WDR70: variants seen among roughly 807,000 people sequenced by gnomAD.
The protein encoded by WDR70 is WD repeat domain 70.
WDR70 carries 53 observed loss-of-function variants against 88.6 expected under a neutral mutation model. That is an observed-to-expected ratio of 0.60 (90% CI 0.48 to 0.75). The LOEUF is 0.75. Among genes scored for constraint, WDR70 ranks in the 30% least tolerant of loss-of-function variants. The pLI is 0.00. For synonymous variants in WDR70, 280 were observed against 270.0 expected, an observed-to-expected ratio of 1.04 and a Z score of -0.36; for missense variants, 610 against 823.2, an observed-to-expected ratio of 0.74 and a Z score of 3.17.
chr5:37,582,193 C>G (rs1005295072), intron 9 of WDR70, among the ~76,000 whole-genome samples: 7 of 152,066 alleles, frequency 4.6e-5, no homozygotes, highest in Non-Finnish European at 1.0e-4. Context: ...TTTACTGTTG[C>G]ATTCTGGTCC....
chr5:37,552,670 TC>T (rs1191345093), intron 9 of WDR70, among the ~76,000 whole-genome samples: 3 of 152,226 alleles, frequency 2.0e-5, no homozygotes, highest in Admixed American at 2.0e-4. Flanking sequence ...GTGCCCTTTC[TC>T]CATTTGCCAG....
chr5:37,592,705 C>T (rs1292879891), intron 9 of WDR70, among the ~76,000 whole-genome samples: 1 of 152,158 alleles, frequency 6.6e-6, no homozygotes, highest in Non-Finnish European at 1.5e-5. Context: ...TGAATACTTT[C>T]CCCCTGTGCT....
intron 9 of WDR70, among the ~76,000 whole-genome samples, chr5:37,557,207 A>C (rs941478762): frequency 3.3e-5 from 5 of 149,860 alleles, no homozygotes; most frequent in Non-Finnish European, 7.4e-5. Flanking sequence ...AGTGCTTGAA[A>C]TCTGTGAAGT....
intron 17 of WDR70, among the ~76,000 whole-genome samples, chr5:37,734,587 AGATAAAAGGGGGACATAGATAAAAGAGG>A (rs1464213895): frequency 2.0e-5 from 3 of 152,096 alleles, no homozygotes; most frequent in Non-Finnish European, 2.9e-5. Context: ...TTTTATAAAA[AGATAAAAGGGGGACATAGATAAAAGAGG>A]GATAAAAGGG....
intron 10 of WDR70, among the ~76,000 whole-genome samples, chr5:37,674,672 G>A (rs1561063291): frequency 6.6e-6 from 1 of 152,120 alleles, no homozygotes; most frequent in African/African-American, 2.4e-5. Context: ...TTGCTATTGT[G>A]AATAGTCCCG....
intron 7 of WDR70, among the ~76,000 whole-genome samples, chr5:37,452,489 C>T (rs965562678): frequency 6.6e-6 from 1 of 152,200 alleles, no homozygotes; most frequent in Non-Finnish European, 1.5e-5. Flanking sequence ...TGGTCCTGAA[C>T]TCTTGACCTC....
chr5:37,715,275 C>T (rs1399141930), intron 13 of WDR70, among the ~76,000 whole-genome samples: 1 of 150,060 alleles, frequency 6.7e-6, no homozygotes, highest in East Asian at 2.0e-4. Context: ...CATTGCACTC[C>T]TATCTGGCCT....
intron 10 of WDR70, among the ~76,000 whole-genome samples, chr5:37,693,488 G>T (rs1035970618): frequency 6.6e-6 from 1 of 152,166 alleles, no homozygotes; most frequent in African/African-American, 2.4e-5. Context: ...AACCAAAACA[G>T]CATGGTACTG....
intron 13 of WDR70, among the ~76,000 whole-genome samples, chr5:37,718,270 C>T (rs1438768836): frequency 3.9e-5 from 6 of 152,144 alleles, no homozygotes; most frequent in African/African-American, 7.2e-5. Context: ...GCAGTTGCCT[C>T]TCTCTAACAT....
At chr5:37,589,508 C>T (rs530347256) in intron 9 of WDR70, among the ~76,000 whole-genome samples, 1 of 152,234 alleles carries the variant, frequency 6.6e-6, no homozygotes, top group East Asian at 1.9e-4. Flanking sequence ...TGGAATAGAA[C>T]TCTCCATGAA....
chr5:37,579,555 G>A (rs1396254798), intron 9 of WDR70, among the ~76,000 whole-genome samples: 1 of 127,410 alleles, frequency 7.8e-6, no homozygotes, highest in Non-Finnish European at 1.5e-5. Flanking sequence ...TTGCACTCCA[G>A]CCTGGCAACC....
At chr5:37,589,288 G>C (rs1007036651) in intron 9 of WDR70, among the ~76,000 whole-genome samples, 1 of 85,966 alleles carries the variant, frequency 1.2e-5, no homozygotes, top group Non-Finnish European at 3.0e-5. Flanking sequence ...ACACACACAC[G>C]ATATATTTAA....
At chr5:37,489,158 C>A (rs978355763) in intron 8 of WDR70, among the ~76,000 whole-genome samples, 1 of 152,194 alleles carries the variant, frequency 6.6e-6, no homozygotes, top group Non-Finnish European at 1.5e-5. Context: ...CCAGGTGGGC[C>A]AGTCTTCTGG....
intron 4 of WDR70, among the ~76,000 whole-genome samples, chr5:37,393,177 G>T (rs1748898685): frequency 6.6e-6 from 1 of 151,942 alleles, no homozygotes; most frequent in African/African-American, 2.4e-5. Flanking sequence ...GAATAGCTGA[G>T]GTTACAGGTG....
chr5:37,531,447 G>T (rs114518592), intron 9 of WDR70, among the ~76,000 whole-genome samples: 5,280 of 151,526 alleles, frequency 0.035, 315 homozygotes, highest in African/African-American at 0.12. Flanking sequence ...TTATAAATTC[G>T]GGAGCTCCAG....
intron 13 of WDR70, among the ~76,000 whole-genome samples, chr5:37,711,285 C>T (rs532646756): frequency 6.6e-6 from 1 of 152,302 alleles, no homozygotes; most frequent in South Asian, 2.1e-4. Context: ...ATTAAGCATA[C>T]TTGGCCCAGT....
intron 5 of WDR70, among the ~76,000 whole-genome samples, chr5:37,413,686 C>T (rs1736584297): frequency 6.9e-6 from 1 of 145,124 alleles, no homozygotes; most frequent in Admixed American, 7.0e-5. Context: ...CGCACCACTG[C>T]ACTCCAGCCT....
At chr5:37,529,373 T>C (rs1741410774) in intron 9 of WDR70, among the ~76,000 whole-genome samples, 1 of 152,172 alleles carries the variant, frequency 6.6e-6, no homozygotes, top group Non-Finnish European at 1.5e-5. Flanking sequence ...TGTTGGTATT[T>C]TGATGGAAAT....
At chr5:37,695,821 TTCATGGACATCACACTAGGGGGCAGA>T (rs969102380) in intron 10 of WDR70, among the ~76,000 whole-genome samples, 19 of 152,284 alleles carry the variant, frequency 1.2e-4, no homozygotes, top group African/African-American at 4.6e-4. Context: ...ATATAAGGTA[TTCATGGACATCACACTAGGGGGCAGA>T]GGTCACAAGG....
Sources: allele counts gnomAD v4.1 joint callset (sites outside exome capture counted in the v4.1 genomes callset), GRCh38; gene constraint gnomAD v4.1.1; transcripts MANE v1.5; gene names NCBI Gene and HGNC (gene_info 2026-07-23, HGNC 2026-07-21).